Variants in TNS3 observed in about 807,000 individuals in gnomAD.
TNS3 encodes the protein tensin-3.
A neutral mutation model predicts 140.9 loss-of-function variants in TNS3; 45 were observed. The observed-to-expected ratio is 0.32, with a 90% CI of 0.25 to 0.41. TNS3 has a LOEUF of 0.41. Among genes scored for constraint, TNS3 ranks in the 10% least tolerant of loss-of-function variants. TNS3 has a pLI of 1.00. For missense variants in TNS3, 1,716 were observed against 1,906.7 expected, an observed-to-expected ratio of 0.90 and a Z score of 1.86; for synonymous variants, 815 against 788.4, an observed-to-expected ratio of 1.03 and a Z score of -0.56.
chr7:47,464,073 C>G (rs1796601176), intron 4 of TNS3, among the ~76,000 whole-genome samples: 1 of 152,146 alleles, frequency 6.6e-6, no homozygotes, highest in African/African-American at 2.4e-5. Flanking sequence ...ATGCCTCATG[C>G]TGCTACAGAA....
At chr7:47,426,573 T>G (rs1237145043) in intron 9 of TNS3, among the ~76,000 whole-genome samples, 1 of 152,196 alleles carries the variant, frequency 6.6e-6, no homozygotes, top group Non-Finnish European at 1.5e-5. Context: ...GTAACATATG[T>G]TGAACTGTCA....
chr7:47,302,865 T>A (rs1042954127), intron 22 of TNS3, 85 bp downstream of exon 22: 4 of 1,499,092 alleles, frequency 2.7e-6, no homozygotes, highest in Non-Finnish European at 3.6e-6. Context: ...ACTAGAGATA[T>A]GCCAGCTCAG....
At chr7:47,528,812 C>G (rs568822403) in intron 2 of TNS3, among the ~76,000 whole-genome samples, 1 of 152,304 alleles carries the variant, frequency 6.6e-6, no homozygotes, top group South Asian at 2.1e-4. Flanking sequence ...CCTCTCCCAT[C>G]GGGAAACTCT....
At chr7:47,473,758 A>G (rs189402023) in intron 4 of TNS3, among the ~76,000 whole-genome samples, 2 of 152,314 alleles carry the variant, frequency 1.3e-5, no homozygotes, top group African/African-American at 4.8e-5. Flanking sequence ...CCACTGTCCC[A>G]GATCACTGGA....
chr7:47,315,928 A>C (rs1179679763), intron 20 of TNS3, among the ~76,000 whole-genome samples: 1 of 152,236 alleles, frequency 6.6e-6, no homozygotes, highest in Non-Finnish European at 1.5e-5. Flanking sequence ...AATGAAAAAT[A>C]AAATAAATTT....
intron 20 of TNS3, among the ~76,000 whole-genome samples, chr7:47,318,063 C>G (rs983065872): frequency 7.9e-5 from 12 of 152,150 alleles, no homozygotes; most frequent in African/African-American, 2.9e-4. Context: ...TCTTACAAAA[C>G]TATAACTCTT....
In TNS3 at chr7:47,368,806, G is replaced by A. The variant is rs776972209; in HGVS notation, c.1840C>T (p.Arg614Cys). 10 of 1,609,760 alleles carry A rather than the reference G, an allele frequency of 6.2e-6. No homozygotes were observed. Among genetic ancestry groups the A allele is most frequent in the African/African-American group, 2.7e-5 (2 of 75,034 alleles). ...APDGEARLVS[R>C]CPADNPGLVQ... ...AGGCCAGGATTGTCTGCAGGGCAGC[G>A]GCTCACCAGCCGGGCCTCCCCATCT... The change falls in exon 17 of 31, where the codon CGC becomes TGC. Residue 614 changes from arginine to cysteine, a missense_variant. Physicochemically the swap from Arg to Cys is radical, Grantham distance 180. This residue lies in a region of TNS3 where 1,163 missense variants were observed against 1,182.1 expected (regional missense o/e 0.98). Transcript: ENST00000311160.
At chr7:47,416,137 A>C (rs1794070186) in intron 10 of TNS3, among the ~76,000 whole-genome samples, 1 of 152,214 alleles carries the variant, frequency 6.6e-6, no homozygotes, top group South Asian at 2.1e-4. Context: ...GTCTCCACCA[A>C]AGTACTGTAC....
chr7:47,541,077 C>T (rs1379412829), intron 1 of TNS3, among the ~76,000 whole-genome samples: 1 of 152,160 alleles, frequency 6.6e-6, no homozygotes, highest in Non-Finnish European at 1.5e-5. Context: ...GGCAACAGCC[C>T]TAGAAACACA....
In TNS3 at chr7:47,346,251, C is replaced by T. The variant is rs1789334136; in HGVS notation, c.2387G>A (p.Gly796Glu). The T allele has an allele frequency of 5.6e-6, 9 of 1,614,076 alleles. No homozygotes were observed. The East Asian group carries it at 2.0e-4, about 36-fold the overall frequency. The change falls in exon 18 of 31, where the codon GGA becomes GAA. Residue 796 changes from glycine (G) to glutamate (E), a missense_variant. Transcript: ENST00000311160. ...GQLPFSKCAW[G>E]KAGVDYAPNL... Reference sequence around the variant, plus strand: ...TGGGGCATAGTCCACACCAGCCTTTCCCCATGCACATTTGGAGAAGGGCAG... The same window carrying T: ...TGGGGCATAGTCCACACCAGCCTTTTCCCATGCACATTTGGAGAAGGGCAG...
At chr7:47,555,393 C>G (rs1404146954) in intron 1 of TNS3, among the ~76,000 whole-genome samples, 1 of 132,460 alleles carries the variant, frequency 7.5e-6, no homozygotes, top group Non-Finnish European at 1.6e-5. Context: ...AAGAGCAAGA[C>G]TTTGTCTCAA....
chr7:47,281,331 C>T (rs1281368526), intron 28 of TNS3, among the ~76,000 whole-genome samples: 1 of 152,234 alleles, frequency 6.6e-6, no homozygotes, highest in Non-Finnish European at 1.5e-5. Context: ...GTGCTATCCA[C>T]CCAGTCCACA....
chr7:47,505,592 G>C (rs149026660), intron 3 of TNS3, among the ~76,000 whole-genome samples: 199 of 151,906 alleles, frequency 1.3e-3, no homozygotes, highest in African/African-American at 4.3e-3. Context: ...GTTCAGGAAG[G>C]GGGCAGCAAG....
At chr7:47,469,468 C>G (rs1347668438) in intron 4 of TNS3, among the ~76,000 whole-genome samples, 1 of 152,228 alleles carries the variant, frequency 6.6e-6, no homozygotes. Context: ...TAAATGAGTT[C>G]AGCCACTGTG....
At chr7:47,505,196 C>A (rs1798369740) in intron 3 of TNS3, among the ~76,000 whole-genome samples, 1 of 152,088 alleles carries the variant, frequency 6.6e-6, no homozygotes. Flanking sequence ...GGGTGAGGGA[C>A]AACACATCCC....
In TNS3 at chr7:47,277,809, G is replaced by A. The variant is rs1784934828; in HGVS notation, c.*267C>T. The A allele has an allele frequency of 5.7e-6, 3 of 522,634 alleles. No homozygotes were observed. The highest frequency in any genetic ancestry group is 3.9e-5 in the South Asian group (2 of 51,554). 32.4% of individuals were successfully genotyped at this position (522,634 alleles called of 1,614,324 possible). A position where few individuals can be genotyped will look rare whatever the true frequency, so the allele number is the denominator to read the frequency against. Reference sequence around the variant, plus strand: ...ATGTCCCTTTCCCATGGGGACCCTAGGGGGTGGGGTGCACCCATGCCCAGC... The same window carrying A: ...ATGTCCCTTTCCCATGGGGACCCTAAGGGGTGGGGTGCACCCATGCCCAGC... On this transcript the variant is annotated 3_prime_UTR_variant, in exon 31 of 31. Coordinates refer to ENST00000311160, the MANE Select transcript of TNS3 (RefSeq NM_022748.12).
chr7:47,539,216 G>T (rs1799712122), intron 1 of TNS3: 1 of 448,084 alleles, frequency 2.2e-6, no homozygotes, highest in Non-Finnish European at 4.5e-6. Flanking sequence ...AGGAGCACAG[G>T]CCAGCCCACT....
intron 20 of TNS3, among the ~76,000 whole-genome samples, chr7:47,340,115 A>AT (rs770520080): frequency 0.01 from 289 of 28,620 alleles, 34 homozygotes; most frequent in East Asian, 0.05. Flanking sequence ...ATATATATAT[A>AT]TTTTTTTTTT....
rs1476030829 is a variant in TNS3 at position 47,541,530 on chromosome 7, CAGCCTGA to C, written c.-264-12390_-264-12384del. 3.3e-5 allele frequency among the ~76,000 whole-genome samples: 5 copies of C among 152,168 alleles called. 1 individual carries two copies. The highest frequency in any genetic ancestry group is 1.2e-4 in the African/African-American group (5 of 41,506). On this transcript the variant is annotated intron_variant, in intron 1 of 30. Transcript: ENST00000311160. ...TTTTTTAACAAAAAGACACAGGGGC[CAGCCTGA>C]AGAGGCTCCCACCAGGCAAACTGTA...
Sources: allele counts gnomAD v4.1 joint callset (sites outside exome capture counted in the v4.1 genomes callset), GRCh38; gene constraint gnomAD v4.1.1; regional missense constraint gnomAD v4.1.1; transcripts MANE v1.5; gene names NCBI Gene and HGNC (gene_info 2026-07-23, HGNC 2026-07-21).